The following FAM234A variants were observed in gnomAD, a reference collection of about 807,000 sequenced individuals.
FAM234A encodes the protein protein FAM234A.
FAM234A carries 42 observed loss-of-function variants against 49.1 expected under a neutral mutation model. The ratio of observed to expected loss-of-function variants is 0.86; its 90% CI spans 0.67 to 1.11. FAM234A has a LOEUF of 1.11. FAM234A is among the 50% of genes least tolerant of loss of function. FAM234A has a pLI of 0.00. For missense variants in FAM234A, 815 were observed against 745.2 expected, an observed-to-expected ratio of 1.09 and a Z score of -1.09; for synonymous variants, 369 against 316.2, an observed-to-expected ratio of 1.17 and a Z score of -1.77.
chr16:239,356 G>A (rs2050530982), intron 1 of FAM234A, among the ~76,000 whole-genome samples: 1 of 151,070 alleles, frequency 6.6e-6, no homozygotes, highest in South Asian at 2.1e-4. Context: ...GCTCACGCCT[G>A]TAATCCCAGC....
downstream of FAM234A, chr16:269,363 C>T (rs1199774323): frequency 6.2e-7 from 1 of 1,603,586 alleles, no homozygotes; most frequent in Admixed American, 1.7e-5. Flanking sequence ...GTGCCGTGGC[C>T]TCCACGTAAA....
At chr16:264,519 C>T in intron 11 of FAM234A, 95 bp from the exon 12 acceptor site, 1 of 916,968 alleles carries the variant, frequency 1.1e-6, no homozygotes, top group East Asian at 2.5e-5. Flanking sequence ...GGGCCCCTAG[C>T]AGACATAGAG....
chr16:236,905 A>AAAAAT lies in FAM234A; in HGVS notation c.-140+2062_-140+2066dup, dbSNP rs1555459429. ...CTGGGCCACAGCGAGACTGTCTCAA[A>AAAAAT]AAAATAAAATAAAATAAATAAATAA... is the stretch of plus-strand genomic sequence containing the variant. On this transcript the variant is annotated intron_variant, in intron 1 of 12. Transcript: ENST00000399932. Among the ~76,000 whole-genome samples, 2 of 53,566 alleles carry AAAAAT rather than the reference A, an allele frequency of 3.7e-5. 1 individual carries two copies. Among genetic ancestry groups the AAAAAT allele is most frequent in the African/African-American group, 8.5e-5 (2 of 23,620 alleles). 35.1% of individuals were successfully genotyped at this position (53,566 alleles called of 152,430 possible). A position where few individuals can be genotyped will look rare whatever the true frequency, so the allele number is the denominator to read the frequency against.
At chr16:269,112 G>A, downstream of FAM234A, 1 of 889,514 alleles carries the variant, frequency 1.1e-6, no homozygotes, top group Non-Finnish European at 1.8e-6. Flanking sequence ...GAGGGAGGGA[G>A]GCTGTGCACC....
rs201719536 is a variant in FAM234A, at chr16:263,276, G to T, written c.986G>T (p.Arg329Leu). 3.7e-5 allele frequency: 60 copies of T among 1,612,670 alleles called. No homozygotes were observed. The highest frequency in any genetic ancestry group is 4.9e-5 in the Non-Finnish European group (58 of 1,179,996). The change falls in exon 9 of 13, where the codon CGC becomes CTC. Residue 329 changes from arginine to leucine, a missense_variant. Transcript: ENST00000399932. Reference protein sequence around the residue: ...RMLSHSSGAVRYLMHVPGNAG... With the variant: ...RMLSHSSGAVLYLMHVPGNAG... Reference sequence around the variant, plus strand: ...CTCCTGTCTAGCTCTGGAGCAGTGCGCTACCTGATGCATGTCCCAGGGAAC... The same window carrying T: ...CTCCTGTCTAGCTCTGGAGCAGTGCTCTACCTGATGCATGTCCCAGGGAAC...
intron 5 of FAM234A, 103 bp from the exon 6 acceptor site, chr16:261,281 G>C: frequency 7.2e-6 from 10 of 1,384,272 alleles, no homozygotes; most frequent in Non-Finnish European, 1.0e-5. Context: ...GCTCACGAGG[G>C]TGATGCCTCA....
intron 12 of FAM234A, 31 bp from the exon 13 acceptor site, chr16:264,780 C>T (rs945246768): frequency 9.3e-6 from 15 of 1,606,676 alleles, no homozygotes; most frequent in Admixed American, 3.3e-5. Flanking sequence ...GGTCCTGAGC[C>T]GCCCTGACAG....
Position 237,445 on chromosome 16 carries a change from G to GT in FAM234A, c.-140+2594dup, listed in dbSNP as rs1165663276. ...CTAAAAGCTGGATGGAGTCTTTTCT[G>GT]TTTTTTCTAGAGGTCGAAAATTTAA... On this transcript the variant is annotated intron_variant, in intron 1 of 12. Transcript: ENST00000399932. Among the ~76,000 whole-genome samples the GT allele has an allele frequency of 2.0e-5, 3 of 151,974 alleles. 1 individual carries two copies. Among genetic ancestry groups the GT allele is most frequent in the South Asian group, 4.1e-4 (2 of 4,824 alleles).
Position 263,352 on chromosome 16 carries a change from C to T in FAM234A, c.1062C>T (p.Asp354=), listed in dbSNP as rs1246160963. Reference sequence around the variant, plus strand: ...GCTCAGAGGCCTTCGTGCTGCTGGACGGGCAGGAGCTGACGCCTCGCTGGA... The same window carrying T: ...GCTCAGAGGCCTTCGTGCTGCTGGATGGGCAGGAGCTGACGCCTCGCTGGA... ...LVGSEAFVLL[D]GQELTPRWTP... The change falls in exon 9 of 13, where the codon GAC becomes GAT. Residue 354 remains aspartate (D), a synonymous_variant. Coordinates refer to ENST00000399932, the MANE Select transcript of FAM234A (RefSeq NM_032039.4). 41 of 1,612,616 alleles carry T rather than the reference C, an allele frequency of 2.5e-5. No homozygotes were observed. The highest frequency in any genetic ancestry group is 3.1e-5 in the Non-Finnish European group (37 of 1,180,008).
At chr16:267,467 A>G (rs528223351), downstream of FAM234A, among the ~76,000 whole-genome samples, 2 of 150,816 alleles carry the variant, frequency 1.3e-5, no homozygotes, top group African/African-American at 4.9e-5. Context: ...CATATGTACT[A>G]TACATGTGCA....
chr16:250,624 A>G (rs1178273819), intron 2 of FAM234A, among the ~76,000 whole-genome samples: 1 of 152,126 alleles, frequency 6.6e-6, no homozygotes, highest in Admixed American at 6.6e-5. Flanking sequence ...AAAATTTGCC[A>G]TTAGTAACAT....
At chr16:244,055 GC>G (rs2050709589) in intron 1 of FAM234A, among the ~76,000 whole-genome samples, 2 of 150,904 alleles carry the variant, frequency 1.3e-5, no homozygotes, top group Non-Finnish European at 2.9e-5. Flanking sequence ...TGCAACCTCC[GC>G]CTCCCAGGTT....
Position 259,536 on chromosome 16 carries a change from G to A in FAM234A, c.322G>A (p.Val108Ile). The A allele has an allele frequency of 6.2e-7, 1 of 1,613,222 alleles. No homozygotes were observed. Among genetic ancestry groups the A allele is most frequent in the Non-Finnish European group, 8.5e-7 (1 of 1,179,182 alleles). The change falls in exon 4 of 13, where the codon GTT becomes ATT. Residue 108 changes from valine (V) to isoleucine (I), a missense_variant. Physicochemically the swap from Val to Ile is conservative, Grantham distance 29. Coordinates refer to ENST00000399932, the MANE Select transcript of FAM234A (RefSeq NM_032039.4). ...DDINGDRIQD[V>I]LFLYKNTNSS... is the part of the protein sequence containing the mutation. ...TATAAACGGGGACAGGATCCAAGAT[G>A]TTCTTTTTCTTTATAAAAACACCAA...
intron 1 of FAM234A, chr16:240,281 G>A (rs2050564320): frequency 6.6e-6 from 1 of 152,200 alleles, no homozygotes; most frequent in South Asian, 2.1e-4. Context: ...TTGATTGTGA[G>A]TTATCTTACT....
In FAM234A at chr16:264,686, A is replaced by C; in HGVS notation, c.1417A>C (p.Asn473His). Residue 473 changes from asparagine to histidine, a missense_variant, in exon 12 of 13, where the codon AAT (asparagine) becomes CAT (histidine). Transcript: ENST00000399932. ...TLPRVLLELA[N>H]VSTHIVAFDA... ...GCCGCGCGTGCTGCTGGAGCTGGCC[A>C]ATGTCTCTACCCACATTGTCGCCTT... The C allele has an allele frequency of 3.1e-6, 5 of 1,612,118 alleles. No homozygotes were observed. The highest frequency in any genetic ancestry group is 4.2e-6 in the Non-Finnish European group (5 of 1,179,934).
chr16:241,263 C>T (rs2050601935), intron 1 of FAM234A, among the ~76,000 whole-genome samples: 1 of 121,208 alleles, frequency 8.3e-6, no homozygotes, highest in African/African-American at 4.3e-5. Context: ...AGGAGGTCTA[C>T]ACAAAAAGAA....
intron 1 of FAM234A, among the ~76,000 whole-genome samples, chr16:241,661 T>A (rs1422638305): frequency 6.6e-6 from 1 of 152,110 alleles, no homozygotes; most frequent in Non-Finnish European, 1.5e-5. Flanking sequence ...CTCAGGCCTG[T>A]AATCCCAGCA....
chr16:263,663 G>A (rs1216645753), intron 9 of FAM234A, 37 bp from the exon 10 acceptor site: 3 of 1,530,486 alleles, frequency 2.0e-6, no homozygotes, highest in South Asian at 2.2e-5. Context: ...TCTCCTCACT[G>A]AGACCCCTCG....
At position 242,706 on chromosome 16, in the gene FAM234A, G is replaced by C. The variant is rs549251886; in HGVS notation, c.-139-6843G>C. 8.7e-5 allele frequency among the ~76,000 whole-genome samples: 13 copies of C among 150,030 alleles called. No homozygotes were observed. In the South Asian group the frequency reaches 2.6e-3, roughly 30 times the overall value. On this transcript the variant is annotated intron_variant, in intron 1 of 12. Transcript: ENST00000399932. ...CAGCTCACTGCAACCTCTGCCCCCC[G>C]GGTTCAAGCGATTCTCCTGCCTCAG...
Sources: allele counts gnomAD v4.1 joint callset (sites outside exome capture counted in the v4.1 genomes callset), GRCh38; gene constraint gnomAD v4.1.1; transcripts MANE v1.5; gene names NCBI Gene and HGNC (gene_info 2026-07-23, HGNC 2026-07-21).